CNTN4: variants seen among roughly 807,000 people sequenced by gnomAD.
CNTN4 encodes the protein contactin-4.
In CNTN4, 77 loss-of-function variants were observed where a neutral mutation model predicts 122.5. That is an observed-to-expected ratio of 0.63 (90% CI 0.52 to 0.76). The LOEUF is 0.76. Ranked by LOEUF, CNTN4 falls within the 30% of genes least tolerant of loss-of-function variation. CNTN4 has a pLI of 0.00. For missense variants in CNTN4, 1,256 were observed against 1,259.1 expected, an observed-to-expected ratio of 1.00 and a Z score of 0.04; for synonymous variants, 512 against 447.0, an observed-to-expected ratio of 1.15 and a Z score of -1.83.
intron 3 of CNTN4, among the ~76,000 whole-genome samples, chr3:2,383,709 C>G (rs771835061): frequency 6.7e-6 from 1 of 149,730 alleles, no homozygotes; most frequent in Admixed American, 6.7e-5. Flanking sequence ...TTCTTTCCCT[C>G]CCTCTCCTTC....
intron 3 of CNTN4, among the ~76,000 whole-genome samples, chr3:2,461,845 C>G (rs991477416): frequency 6.6e-6 from 1 of 152,118 alleles, no homozygotes; most frequent in African/African-American, 2.4e-5. Flanking sequence ...TTTCTGAGAC[C>G]AAGTTGCTTA....
At chr3:2,734,446 G>C (rs1035666711) in intron 4 of CNTN4, among the ~76,000 whole-genome samples, 3 of 152,166 alleles carry the variant, frequency 2.0e-5, no homozygotes, top group African/African-American at 7.2e-5. Context: ...GGCATGTAGA[G>C]ACTAGGTGAT....
chr3:2,165,492 C>T (rs1295798499), intron 2 of CNTN4, among the ~76,000 whole-genome samples: 1 of 151,520 alleles, frequency 6.6e-6, no homozygotes, highest in Non-Finnish European at 1.5e-5. Flanking sequence ...TAGTTAACAT[C>T]TTCATCACCT....
chr3:2,105,998 G>A (rs2125105741), intron 2 of CNTN4, among the ~76,000 whole-genome samples: 1 of 152,342 alleles, frequency 6.6e-6, no homozygotes, highest in South Asian at 2.1e-4. Context: ...CCCCATGCCA[G>A]TCTGAAACCA....
intron 23 of CNTN4, among the ~76,000 whole-genome samples, chr3:3,045,096 G>A (rs1447217276): frequency 2.6e-5 from 4 of 152,180 alleles, no homozygotes; most frequent in African/African-American, 4.8e-5. Context: ...GGGAGGGGGC[G>A]CCTGCCATTG....
At chr3:2,345,260 T>C (rs1249339480) in intron 3 of CNTN4, among the ~76,000 whole-genome samples, 1 of 152,228 alleles carries the variant, frequency 6.6e-6, no homozygotes. Context: ...TTTATGATTT[T>C]TTTTTACCCT....
intron 2 of CNTN4, among the ~76,000 whole-genome samples, chr3:2,144,725 C>T (rs1384691679): frequency 6.6e-6 from 1 of 152,204 alleles, no homozygotes; most frequent in Middle Eastern, 3.4e-3. Context: ...AACCAGTGCC[C>T]AGCACATAGC....
At chr3:2,231,934 T>C (rs2039503740) in intron 2 of CNTN4, among the ~76,000 whole-genome samples, 1 of 152,152 alleles carries the variant, frequency 6.6e-6, no homozygotes, top group Non-Finnish European at 1.5e-5. Context: ...CCTATGAAAT[T>C]AACATATAGG....
rs1023847508 is a variant in CNTN4, at chr3:2,611,315, A to C, written c.55+39757A>C. 2.0e-5 allele frequency among the ~76,000 whole-genome samples: 3 copies of C among 150,318 alleles called. 1 individual carries two copies. The highest frequency in any genetic ancestry group is 7.3e-5 in the African/African-American group (3 of 40,848). ...CTGGAACCAAAAAAAAAAAAAAAGAAAGAAAGAAAGAAACAAAAACAAAAA... is the reference window on the plus strand; with the variant it reads ...CTGGAACCAAAAAAAAAAAAAAAGACAGAAAGAAAGAAACAAAAACAAAAA... On this transcript the variant is annotated intron_variant, in intron 4 of 24. Transcript: ENST00000418658.
In CNTN4 at chr3:2,760,449, T is replaced by A. The variant is rs1052584010; in HGVS notation, c.358+14752T>A. ...ATCATCTGTTGAAAAGATGGTTCTT[T>A]CTCTCATGAATGGTCTGGACACTTT... On this transcript the variant is annotated intron_variant, in intron 6 of 24. Transcript: ENST00000418658. Among the ~76,000 whole-genome samples, 3 of 152,202 alleles carry A rather than the reference T, an allele frequency of 2.0e-5. No homozygotes were observed. In the East Asian group the frequency reaches 5.8e-4, roughly 29 times the overall value.
chr3:2,978,310 A>G (rs1011418196), intron 13 of CNTN4, among the ~76,000 whole-genome samples: 1 of 152,170 alleles, frequency 6.6e-6, no homozygotes, highest in African/African-American at 2.4e-5. Flanking sequence ...GGCTACCCTA[A>G]ATCCCGGCCC....
At chr3:2,117,222 A>G (rs2033417782) in intron 2 of CNTN4, among the ~76,000 whole-genome samples, 1 of 152,150 alleles carries the variant, frequency 6.6e-6, no homozygotes, top group African/African-American at 2.4e-5. Context: ...GGGTTCAGTT[A>G]ATTTGCTAGA....
At chr3:2,291,040 G>T (rs146356803) in intron 2 of CNTN4, among the ~76,000 whole-genome samples, 89 of 152,088 alleles carry the variant, frequency 5.9e-4, no homozygotes, top group African/African-American at 1.9e-3. Flanking sequence ...TGGTCACTTT[G>T]GTCCTGACTT....
chr3:2,258,741 T>C (rs1337387042), intron 2 of CNTN4, among the ~76,000 whole-genome samples: 1 of 152,130 alleles, frequency 6.6e-6, no homozygotes, highest in Non-Finnish European at 1.5e-5. Flanking sequence ...TACTTTGAAC[T>C]GGCATCTCAT....
At chr3:2,905,914 C>A (rs1473477281) in intron 12 of CNTN4, among the ~76,000 whole-genome samples, 2 of 152,166 alleles carry the variant, frequency 1.3e-5, no homozygotes, top group African/African-American at 4.8e-5. Flanking sequence ...CATAGAGAAT[C>A]TTCAGTGCTT....
At chr3:3,003,854 A>T (rs1048324636) in intron 14 of CNTN4, among the ~76,000 whole-genome samples, 6 of 152,076 alleles carry the variant, frequency 3.9e-5, no homozygotes, top group African/African-American at 1.4e-4. Flanking sequence ...GGCACAAGCA[A>T]TCCTTCCACC....
intron 3 of CNTN4, among the ~76,000 whole-genome samples, chr3:2,566,923 A>C (rs2079188430): frequency 6.6e-6 from 1 of 152,212 alleles, no homozygotes. Flanking sequence ...CAACTTGCTA[A>C]CCAGAGGAGA....
intron 14 of CNTN4, among the ~76,000 whole-genome samples, chr3:3,000,106 C>A (rs1263097093): frequency 1.3e-5 from 2 of 151,774 alleles, no homozygotes; most frequent in Non-Finnish European, 2.9e-5. Context: ...GATGAGAGAG[C>A]CAAATTTTAG....
At chr3:2,982,128 A>G (rs1694081845) in intron 13 of CNTN4, among the ~76,000 whole-genome samples, 1 of 152,214 alleles carries the variant, frequency 6.6e-6, no homozygotes, top group African/African-American at 2.4e-5. Flanking sequence ...AGCCAAAATT[A>G]TGTGATACAG....
Sources: allele counts gnomAD v4.1 joint callset (sites outside exome capture counted in the v4.1 genomes callset), GRCh38; gene constraint gnomAD v4.1.1; transcripts MANE v1.5; gene names NCBI Gene and HGNC (gene_info 2026-07-23, HGNC 2026-07-21).